Variants in ZC4H2 observed in about 807,000 individuals in gnomAD.
ZC4H2 encodes zinc finger C4H2-type containing, also known as zinc finger C4H2 domain-containing protein.
For missense variants in ZC4H2, 137 were observed against 173.9 expected (o/e 0.79, Z 1.19); for synonymous variants, 84 against 66.3 (o/e 1.27, Z -1.30).
At chrX:65,030,897 C>T (rs1408599079) in intron 1 of ZC4H2, among the ~76,000 whole-genome samples, 3 of 110,951 alleles carry the variant, frequency 2.7e-5, no homozygotes, top group Non-Finnish European at 5.7e-5. Context: ...GCAAGAATTC[C>T]CCTAGACTTA....
rs984300335 is a variant in ZC4H2, at chrX:64,934,137, A to T, written c.54-12149T>A. 8.6e-4 allele frequency among the ~76,000 whole-genome samples: 96 copies of T among 112,194 alleles called. 2 individuals are homozygous for T. Among genetic ancestry groups the T allele is most frequent in the African/African-American group, 3.0e-3 (92 of 30,870 alleles). On this transcript the variant is annotated intron_variant, in intron 1 of 4. Transcript: ENST00000374839. ...ACCTGGGAGAGAAGACCTGCTATTCAGATTCTTTTGTCCCACAGGGTGTTA... is the reference window on the plus strand; with the variant it reads ...ACCTGGGAGAGAAGACCTGCTATTCTGATTCTTTTGTCCCACAGGGTGTTA...
At chrX:64,950,506 G>T (rs1930750070) in intron 1 of ZC4H2, among the ~76,000 whole-genome samples, 1 of 111,085 alleles carries the variant, frequency 9.0e-6, no homozygotes, top group Non-Finnish European at 1.9e-5. Context: ...GGTCTCTAAG[G>T]ACTTGCTTTA....
chrX:65,022,424 C>A (rs184832254), intron 1 of ZC4H2, among the ~76,000 whole-genome samples: 13 of 111,781 alleles, frequency 1.2e-4, no homozygotes, highest in African/African-American at 3.6e-4. Flanking sequence ...ATGACAAAAA[C>A]CACACGATTA....
Position 64,920,143 on chromosome X carries a change from G to A in ZC4H2, c.336C>T (p.Arg112=). Residue 112 remains arginine, a synonymous_variant, in exon 3 of 5, where the codon CGC becomes CGT. Transcript: ENST00000374839. ...KPLKEHVDAL[R]MTLGLQRLPD... is the part of the protein sequence containing the mutation. ...GGAGCCTCTGCAGGCCCAGAGTCAT[G>A]CGCAGGGCATCCACATGTTCTTTCA... 1 of 1,211,738 alleles carries A rather than the reference G, an allele frequency of 8.3e-7. No individual in the cohort carries two copies.
At chrX:64,975,940 T>A (rs1421712435) in intron 1 of ZC4H2, among the ~76,000 whole-genome samples, 1 of 110,822 alleles carries the variant, frequency 9.0e-6, no homozygotes, top group Non-Finnish European at 1.9e-5. Context: ...TTTCCCGAAC[T>A]CCAGGTTCTG....
chrX:64,965,706 C>A (rs1028934302), intron 1 of ZC4H2, among the ~76,000 whole-genome samples: 1 of 110,307 alleles, frequency 9.1e-6, no homozygotes, highest in Non-Finnish European at 1.9e-5. Flanking sequence ...GAAGCCATGG[C>A]GGGAGGATCG....
chrX:65,010,346 T>A (rs1315225474), intron 1 of ZC4H2, among the ~76,000 whole-genome samples: 1 of 112,679 alleles, frequency 8.9e-6, no homozygotes, highest in Non-Finnish European at 1.9e-5. Flanking sequence ...TCAAACTTAG[T>A]ACTACCTCAA....
intron 1 of ZC4H2, among the ~76,000 whole-genome samples, chrX:64,929,384 A>G (rs1371866830): frequency 9.0e-6 from 1 of 111,428 alleles, no homozygotes; most frequent in Non-Finnish European, 1.9e-5. Context: ...GGTCCCATTT[A>G]TTTATTTTTG....
At chrX:65,030,715 G>A (rs1932925704) in intron 1 of ZC4H2, among the ~76,000 whole-genome samples, 1 of 110,760 alleles carries the variant, frequency 9.0e-6, no homozygotes, top group African/African-American at 3.3e-5. Flanking sequence ...TCTCAACTAA[G>A]CTTGGCTTGC....
At position 64,960,961 on chromosome X, in the gene ZC4H2, G is replaced by C. The variant is rs1349234968; in HGVS notation, c.53+15364C>G. ...GTTTAATGTTTTATATGTCTGTAAGGTCCATTTGGTCTGTAGTGTTTCTTA... is the reference window on the plus strand; with the variant it reads ...GTTTAATGTTTTATATGTCTGTAAGCTCCATTTGGTCTGTAGTGTTTCTTA... On this transcript the variant is annotated intron_variant, in intron 1 of 4. Coordinates refer to ENST00000374839, the MANE Select transcript of ZC4H2 (RefSeq NM_018684.4). Among the ~76,000 whole-genome samples the C allele has an allele frequency of 9.0e-5, 10 of 111,188 alleles. No individual in the cohort carries two copies. The East Asian group carries it at 2.6e-3, about 28-fold the overall frequency.
At chrX:64,952,122 G>A (rs866994031) in intron 1 of ZC4H2, among the ~76,000 whole-genome samples, 1,403 of 110,184 alleles carry the variant, frequency 0.013, 11 homozygotes, top group Non-Finnish European at 0.019. Context: ...GACATGTGGC[G>A]TTATTTCTGA....
chrX:64,951,048 C>T (rs902149191), intron 1 of ZC4H2, among the ~76,000 whole-genome samples: 6 of 110,762 alleles, frequency 5.4e-5, no homozygotes, highest in Non-Finnish European at 3.8e-5. Flanking sequence ...TGAGTGAGAA[C>T]ATGCGGTGTT....
intron 1 of ZC4H2, among the ~76,000 whole-genome samples, chrX:64,951,826 TG>T (rs1403157577): frequency 9.0e-6 from 1 of 111,507 alleles, no homozygotes; most frequent in East Asian, 2.8e-4. Context: ...TTGTCAATTT[TG>T]GCTTTTGTTG....
intron 2 of ZC4H2, 132 bp from the exon 3 acceptor site, chrX:64,920,385 C>CCTG: frequency 1.6e-6 from 1 of 631,274 alleles, no homozygotes; most frequent in Non-Finnish European, 2.3e-6. Flanking sequence ...CTCCCATGCC[C>CCTG]TCTCCATGTA....
chrX:64,970,153 T>A (rs895300695), intron 1 of ZC4H2, among the ~76,000 whole-genome samples: 2 of 112,199 alleles, frequency 1.8e-5, no homozygotes, highest in Non-Finnish European at 3.8e-5. Context: ...TCCAGTCTGG[T>A]GAGAATATTG....
intron 1 of ZC4H2, among the ~76,000 whole-genome samples, chrX:64,947,256 T>C (rs909624834): frequency 1.8e-5 from 2 of 112,163 alleles, no homozygotes; most frequent in African/African-American, 6.5e-5. Context: ...TCCCAGGAAA[T>C]GGTCTATCTA....
chrX:65,014,348 AC>A (rs1454204859), intron 1 of ZC4H2, among the ~76,000 whole-genome samples: 2 of 111,157 alleles, frequency 1.8e-5, no homozygotes, highest in Non-Finnish European at 3.8e-5. Flanking sequence ...TGATTTGGAA[AC>A]CCAAGATGAG....
chrX:64,962,431 T>C (rs1473105257), intron 1 of ZC4H2, among the ~76,000 whole-genome samples: 1 of 111,202 alleles, frequency 9.0e-6, no homozygotes, highest in Middle Eastern at 4.2e-3. Flanking sequence ...AAGCCATATA[T>C]GAAAAGCCCA....
chrX:64,950,029 GA>G (rs1930723081), intron 1 of ZC4H2, among the ~76,000 whole-genome samples: 1 of 112,037 alleles, frequency 8.9e-6, no homozygotes, highest in South Asian at 3.7e-4. Context: ...ATGTGTCCCA[GA>G]GGTTCTGGTA....
Sources: gnomAD v4.1 joint callset for allele counts (sites outside exome capture counted in the v4.1 genomes callset) on GRCh38, gnomAD v4.1.1 for gene constraint, MANE v1.5 for transcripts, NCBI Gene and HGNC (gene_info 2026-07-23, HGNC 2026-07-21) for gene names.